Variants in CRIM1 observed in about 807,000 individuals in gnomAD.
CRIM1 encodes cysteine rich transmembrane BMP regulator 1, also known as cysteine-rich motor neuron 1 protein.
A neutral mutation model predicts 116.4 loss-of-function variants in CRIM1; 32 were observed. The observed-to-expected ratio is 0.27, with a 90% CI of 0.21 to 0.37. The LOEUF (loss-of-function observed/expected upper bound fraction) is 0.37. Ranked by LOEUF, CRIM1 falls within the 10% of genes least tolerant of loss-of-function variation. The probability of loss-of-function intolerance (pLI) is 1.00; values close to 1 mark genes in which losing one functional copy is unlikely to be tolerated. For missense variants in CRIM1, 1,331 were observed against 1,354.8 expected (o/e 0.98, Z 0.28); for synonymous variants, 590 against 509.2 (o/e 1.16, Z -2.13).
At chr2:36,481,027 A>G (rs1219312376) in intron 7 of CRIM1, among the ~76,000 whole-genome samples, 3 of 152,234 alleles carry the variant, frequency 2.0e-5, no homozygotes, top group Non-Finnish European at 4.4e-5. Flanking sequence ...CCAACTTGAA[A>G]TATTTAATTA....
intron 2 of CRIM1, among the ~76,000 whole-genome samples, chr2:36,410,747 A>G (rs1673141923): frequency 6.6e-6 from 1 of 152,200 alleles, no homozygotes; most frequent in Admixed American, 6.5e-5. Flanking sequence ...TGGAAAAAAA[A>G]AAAGTCCAAT....
chr2:36,393,216 A>G (rs559867366), intron 1 of CRIM1, among the ~76,000 whole-genome samples: 1 of 152,298 alleles, frequency 6.6e-6, no homozygotes, highest in African/African-American at 2.4e-5. Context: ...GTAATGATAG[A>G]TGATGCCTAG....
intron 4 of CRIM1, among the ~76,000 whole-genome samples, chr2:36,452,750 G>A (rs1395796255): frequency 1.3e-5 from 2 of 151,862 alleles, no homozygotes; most frequent in Non-Finnish European, 2.9e-5. Flanking sequence ...TCTTAGTCCC[G>A]AAAACAAGCA....
chr2:36,513,594 A>G lies in CRIM1; in HGVS notation c.1819A>G (p.Thr607Ala). 6.2e-7 allele frequency: 1 copy of G among 1,614,132 alleles called. No homozygotes were observed. Among genetic ancestry groups the G allele is most frequent in the Non-Finnish European group, 8.5e-7 (1 of 1,180,026 alleles). ...ASAGPPILSG[T>A]CLTVDGHHHK... is the part of the protein sequence containing the mutation. ...AGCTGGGCCACCCATCCTGTCGGGC[A>G]CTTGTCTCACCGTGGATGGTCATCA... Residue 607 changes from threonine (T) to alanine (A), a missense_variant, in exon 11 of 17, where the codon ACT becomes GCT. By Grantham distance (58) the Thr-to-Ala change is moderately conservative. Around this residue, in one of 3 missense-constraint regions of CRIM1, gnomAD observed 358 missense variants for 436.1 expected, o/e 0.82. Transcript: ENST00000280527.
chr2:36,417,700 A>G (rs1156586330), intron 2 of CRIM1, among the ~76,000 whole-genome samples: 1 of 152,216 alleles, frequency 6.6e-6, no homozygotes, highest in Non-Finnish European at 1.5e-5. Flanking sequence ...AAATGCAGTG[A>G]GCATTTGAGT....
At chr2:36,487,992 ATAT>A (rs1679957953) in intron 7 of CRIM1, among the ~76,000 whole-genome samples, 1 of 152,166 alleles carries the variant, frequency 6.6e-6, no homozygotes, top group Admixed American at 6.5e-5. Context: ...TGCGATTCTA[ATAT>A]AATTTATTTT....
intron 7 of CRIM1, among the ~76,000 whole-genome samples, chr2:36,496,933 G>A (rs1308218820): frequency 2.6e-5 from 4 of 152,142 alleles, no homozygotes; most frequent in Non-Finnish European, 5.9e-5. Context: ...ACTATTGAGA[G>A]CAAATATCAT....
At chr2:36,422,309 G>A (rs1408448384) in intron 2 of CRIM1, among the ~76,000 whole-genome samples, 2 of 152,108 alleles carry the variant, frequency 1.3e-5, no homozygotes, top group East Asian at 1.9e-4. Context: ...TAATTTGAAT[G>A]TCTGTTAGTG....
intron 7 of CRIM1, among the ~76,000 whole-genome samples, chr2:36,497,598 A>G (rs1193229178): frequency 6.6e-6 from 1 of 152,226 alleles, no homozygotes; most frequent in Non-Finnish European, 1.5e-5. Context: ...TGTCAGGAAG[A>G]ATACCTTGGT....
chr2:36,537,430 G>C lies in CRIM1; in HGVS notation c.2507G>C (p.Ser836Thr). 6.2e-7 allele frequency: 1 copy of C among 1,614,202 alleles called. No individual in the cohort carries two copies. Among genetic ancestry groups the C allele is most frequent in the East Asian group, 2.2e-5 (1 of 44,884 alleles). The change falls in exon 14 of 17, where the codon AGC becomes ACC. Residue 836 changes from serine to threonine, a missense_variant. Ser to Thr is a moderately conservative substitution (Grantham distance 58). This residue lies in a region of CRIM1 where 358 missense variants were observed against 436.1 expected (regional missense o/e 0.82). Transcript: ENST00000280527. ...YADEERWDLD[S>T]CTHCYCLQGQ... The stretch of plus-strand genomic sequence containing the variant: ...GACGAGGAGCGGTGGGACCTTGACA[G>C]CTGCACCCACTGCTACTGCCTGCAG...
At chr2:36,408,211 C>T (rs1215571241) in intron 2 of CRIM1, among the ~76,000 whole-genome samples, 3 of 152,200 alleles carry the variant, frequency 2.0e-5, no homozygotes, top group African/African-American at 4.8e-5. Flanking sequence ...TCTTGAGGGC[C>T]GTGCCTAAAA....
chr2:36,368,229 C>T (rs756430059), intron 1 of CRIM1, among the ~76,000 whole-genome samples: 32 of 152,154 alleles, frequency 2.1e-4, no homozygotes, highest in African/African-American at 4.8e-4. Flanking sequence ...TGGTGCCTCA[C>T]GTTGGGAGGA....
chr2:36,421,637 A>G (rs2124861670), intron 2 of CRIM1, among the ~76,000 whole-genome samples: 1 of 152,350 alleles, frequency 6.6e-6, no homozygotes, highest in South Asian at 2.1e-4. Context: ...GTTATCTCAC[A>G]TTGAGATTCT....
chr2:36,479,718 G>A, intron 7 of CRIM1, 24 bp downstream of exon 7: 1 of 1,606,010 alleles, frequency 6.2e-7, no homozygotes, highest in Non-Finnish European at 8.5e-7. Flanking sequence ...ATGCTAATGA[G>A]TCCCTGGTGA....
chr2:36,482,177 C>T (rs1003104985), intron 7 of CRIM1, among the ~76,000 whole-genome samples: 1 of 152,170 alleles, frequency 6.6e-6, no homozygotes, highest in Non-Finnish European at 1.5e-5. Context: ...GATCTCTCAT[C>T]AAACGTTTCA....
At chr2:36,485,252 CT>C (rs1046470149) in intron 7 of CRIM1, among the ~76,000 whole-genome samples, 1 of 152,172 alleles carries the variant, frequency 6.6e-6, no homozygotes, top group African/African-American at 2.4e-5. Context: ...ACCTGGCTTT[CT>C]TGGATCTCTT....
chr2:36,491,928 C>T (rs1462251904), intron 7 of CRIM1, among the ~76,000 whole-genome samples: 1 of 152,082 alleles, frequency 6.6e-6, no homozygotes, highest in Non-Finnish European at 1.5e-5. Context: ...TATAAAAGAT[C>T]TAGATTCTTA....
intron 1 of CRIM1, among the ~76,000 whole-genome samples, chr2:36,391,118 ATTTTTTTTTTTTTTT>A (rs57108558): frequency 4.5e-5 from 3 of 67,234 alleles, no homozygotes; most frequent in East Asian, 5.7e-4. Context: ...CCAACTTTTG[ATTTTTTTTTTTTTTT>A]TTTTTTTTTT....
chr2:36,502,734 C>T (rs1681087347), intron 8 of CRIM1, among the ~76,000 whole-genome samples: 1 of 152,194 alleles, frequency 6.6e-6, no homozygotes, highest in South Asian at 2.1e-4. Flanking sequence ...GGTCCTTCAG[C>T]AGAACCCAGG....
Sources: allele counts gnomAD v4.1 joint callset (sites outside exome capture counted in the v4.1 genomes callset), GRCh38; gene constraint gnomAD v4.1.1; regional missense constraint gnomAD v4.1.1; transcripts MANE v1.5; gene names NCBI Gene and HGNC (gene_info 2026-07-23, HGNC 2026-07-21).